The following CCL14 variants were observed in gnomAD, a reference collection of about 807,000 sequenced individuals.
The protein encoded by CCL14 is C-C motif chemokine ligand 14, also known as C-C motif chemokine 14.
A neutral mutation model predicts 8.2 loss-of-function variants in CCL14; 8 were observed. The ratio of observed to expected loss-of-function variants is 0.98; its 90% CI spans 0.57 to 1.76. CCL14 has a LOEUF of 1.76. CCL14 is among the 40% of genes most tolerant of loss of function. The pLI, the probability that CCL14 is intolerant of heterozygous loss-of-function variation, is 0.00. For synonymous variants in CCL14, 50 were observed against 43.2 expected (o/e 1.16, Z -0.62); for missense variants, 127 against 118.3 (o/e 1.07, Z -0.34).
rs760207812 is a variant in CCL14, at chr17:35,984,332, A to G, written c.194+6T>C. 2 of 1,565,346 alleles carry G rather than the reference A, an allele frequency of 1.3e-6. No homozygotes were observed. The highest frequency in any genetic ancestry group is 2.2e-5 in the South Asian group (2 of 90,124). On this transcript the variant is annotated splice_donor_region_variant and intron_variant, in intron 2 of 2. Coordinates refer to ENST00000618404, the MANE Select transcript of CCL14 (RefSeq NM_032963.4). ...CCCCCCAGTGTGATGTGTGTGTACC[A>G]CCTACACAATTCCGGGCTTGGAGCA...
At position 35,986,729 on chromosome 17, in the gene CCL14, T is replaced by C; in HGVS notation, c.-80A>G. 1 of 1,060,324 alleles carries C rather than the reference T, an allele frequency of 9.4e-7. No homozygotes were observed. Among genetic ancestry groups the C allele is most frequent in the South Asian group, 1.3e-5 (1 of 78,306 alleles). 65.7% of individuals were successfully genotyped at this position (1,060,324 alleles called of 1,614,324 possible). ...CCTGCGGTGAGGAATTGTTGAGAAATGATCATTGAGGCCAAATATTTTTTA... is the reference window on the plus strand; with the variant it reads ...CCTGCGGTGAGGAATTGTTGAGAAACGATCATTGAGGCCAAATATTTTTTA... On this transcript the variant is annotated 5_prime_UTR_variant, in exon 1 of 3. Coordinates refer to ENST00000618404, the MANE Select transcript of CCL14 (RefSeq NM_032963.4).
intron 2 of CCL14, among the ~76,000 whole-genome samples, chr17:35,984,115 C>A (rs991188011): frequency 6.6e-6 from 1 of 151,776 alleles, no homozygotes; most frequent in African/African-American, 2.4e-5. Flanking sequence ...CTCTTGCCTT[C>A]TTCTCCCTTC....
chr17:35,985,503 C>A, intron 1 of CCL14: 1 of 554,742 alleles, frequency 1.8e-6, no homozygotes, highest in Non-Finnish European at 3.2e-6. Context: ...TTATGTGACC[C>A]TGCTTCATAG....
At chr17:35,984,683 C>A (rs1000335053) in intron 1 of CCL14, 5 of 584,674 alleles carry the variant, frequency 8.6e-6, no homozygotes, top group South Asian at 4.4e-5. Flanking sequence ...TTTCTTCAAC[C>A]CCTCTTGGAA....
chr17:35,986,329 C>A, intron 1 of CCL14: 1 of 512,372 alleles, frequency 2.0e-6, no homozygotes, highest in Non-Finnish European at 3.5e-6. Flanking sequence ...CCAACTTAAA[C>A]TCTTAAGCAG....
chr17:35,984,249 G>T, intron 2 of CCL14, 89 bp downstream of exon 2: 1 of 964,078 alleles, frequency 1.0e-6, no homozygotes, highest in Non-Finnish European at 1.7e-6. Flanking sequence ...GTACGCTGGG[G>T]GTCCCCATTC....
chr17:35,983,763 G>T lies in CCL14; in HGVS notation c.*38C>A. 1 of 1,438,198 alleles carries T rather than the reference G, an allele frequency of 7.0e-7. No individual in the cohort carries two copies. Among genetic ancestry groups the T allele is most frequent in the Non-Finnish European group, 9.8e-7 (1 of 1,019,432 alleles). 89.1% of individuals were successfully genotyped at this position (1,438,198 alleles called of 1,614,324 possible). A position where few individuals can be genotyped will look rare whatever the true frequency, so the allele number is the denominator to read the frequency against. On this transcript the variant is annotated 3_prime_UTR_variant, in exon 3 of 3. Transcript: ENST00000618404. Reference sequence around the variant, plus strand: ...GGGGGCCTTGGCATCTTCTCTTTATGTCTCTGAGCTGTGCCTTCGCCACCC... The same window carrying T: ...GGGGGCCTTGGCATCTTCTCTTTATTTCTCTGAGCTGTGCCTTCGCCACCC...
intron 1 of CCL14, 60 bp downstream of exon 1, chr17:35,986,511 C>A: frequency 7.2e-7 from 1 of 1,388,238 alleles, no homozygotes; most frequent in Non-Finnish European, 1.0e-6. Context: ...GCCCCAACCT[C>A]ACTCCTGCTT....
chr17:35,984,499 C>T, intron 1 of CCL14, 47 bp from the exon 2 acceptor site: 2 of 1,239,814 alleles, frequency 1.6e-6, no homozygotes, highest in Non-Finnish European at 2.4e-6. Flanking sequence ...TTGTTAAAGG[C>T]CATACCATTG....
intron 1 of CCL14, 86 bp downstream of exon 1, chr17:35,986,485 C>T: frequency 9.8e-7 from 1 of 1,023,532 alleles, no homozygotes; most frequent in Non-Finnish European, 1.5e-6. Context: ...AGTCCCTGCT[C>T]CTGGTCTTCC....
rs775087719 is a variant in CCL14 at position 35,983,847 on chromosome 17, CT to C, written c.235del (p.Ser79ValfsTer12). The C allele has an allele frequency of 6.2e-5, 100 of 1,613,976 alleles. No individual in the cohort carries two copies. The highest frequency in any genetic ancestry group is 8.0e-5 in the Non-Finnish European group (94 of 1,179,970). Reference sequence around the variant, plus strand: ...GATATAGTCCTGGACCCACTTGTCACTGGGGTTGGTACAGACGGAATGGCCC... The same window carrying C: ...GATATAGTCCTGGACCCACTTGTCACGGGGTTGGTACAGACGGAATGGCCC... Reference protein sequence around the residue: ...KRGHSVCTNPSDKWVQDYIKD... With the variant: ...KRGHSVCTNPXDKWVQDYIKD... On this transcript the variant is annotated frameshift_variant, in exon 3 of 3. Coordinates refer to ENST00000618404, the MANE Select transcript of CCL14 (RefSeq NM_032963.4). LOFTEE classifies it low-confidence loss of function (END_TRUNC).
chr17:35,986,176 T>A, intron 1 of CCL14: 1 of 348,156 alleles, frequency 2.9e-6, no homozygotes, highest in Non-Finnish European at 5.2e-6. Context: ...GGACTGGTCC[T>A]GGGGGGCAAT....
rs1203276160 is a variant in CCL14 at position 35,983,584 on chromosome 17, C to T, written c.*217G>A. On this transcript the variant is annotated 3_prime_UTR_variant, in exon 3 of 3. Transcript: ENST00000618404. The stretch of plus-strand genomic sequence containing the variant: ...ACTTCTGCAGAGCGAGGCTTGATGC[C>T]GAGGGTGCCACACCCTGGTGTCCTC... 2 of 482,548 alleles carry T rather than the reference C, an allele frequency of 4.1e-6. No individual in the cohort carries two copies. Among genetic ancestry groups the T allele is most frequent in the East Asian group, 3.1e-5 (1 of 32,424 alleles). 29.9% of individuals were successfully genotyped at this position (482,548 alleles called of 1,614,324 possible).
rs767425052 is a variant in CCL14 at position 35,986,602 on chromosome 17, G to A, written c.48C>T (p.Ile16=). The A allele has an allele frequency of 9.3e-6, 15 of 1,613,892 alleles. No individual in the cohort carries two copies. Among genetic ancestry groups the A allele is most frequent in the South Asian group, 8.8e-5 (8 of 91,084 alleles). The stretch of plus-strand genomic sequence containing the variant: ...AGGATTCAGTCTTGGTCCCTAGGGC[G>A]ATGGTGATGAGGAGGAAGAAGGGAA... ...AAIPFFLLIT[I]ALGTKTESSS... The change falls in exon 1 of 3, where the codon ATC becomes ATT. Residue 16 remains isoleucine, a synonymous_variant. Transcript: ENST00000618404.
chr17:35,986,575 G>A lies in CCL14; in HGVS notation c.75C>T (p.Ser25=). 2.5e-6 allele frequency: 4 copies of A among 1,612,800 alleles called. No individual in the cohort carries two copies. The highest frequency in any genetic ancestry group is 3.4e-6 in the Non-Finnish European group (4 of 1,178,866). The change falls in exon 1 of 3, where the codon TCC becomes TCT. Residue 25 remains serine (S), a synonymous_variant. Transcript: ENST00000618404. ...AAGACAAGGCATTGCACTCACGTGAGGAGGATTCAGTCTTGGTCCCTAGGG... is the reference window on the plus strand; with the variant it reads ...AAGACAAGGCATTGCACTCACGTGAAGAGGATTCAGTCTTGGTCCCTAGGG... ...TIALGTKTES[S]SRGPYHPSEC...
chr17:35,985,587 C>A, intron 1 of CCL14: 1 of 640,392 alleles, frequency 1.6e-6, no homozygotes, highest in Admixed American at 2.7e-5. Flanking sequence ...AGGGTCTCAT[C>A]CTGTTTTCCA....
At chr17:35,985,735 A>T in intron 1 of CCL14, 1 of 1,550,210 alleles carries the variant, frequency 6.5e-7, no homozygotes, top group Non-Finnish European at 8.7e-7. Context: ...GGCAAGTCAA[A>T]CTGTGCACAT....
Position 35,984,138 on chromosome 17 carries a change from C to T in CCL14, c.194+200G>A, listed in dbSNP as rs890548010. On this transcript the variant is annotated intron_variant, in intron 2 of 2. Transcript: ENST00000618404. ...TTCTTCTCCCTTCTCTGTCATCTCC[C>T]CATCCATGGGGTCAGTTTCCCCATG... is the stretch of plus-strand genomic sequence containing the variant. Among the ~76,000 whole-genome samples the T allele has an allele frequency of 2.0e-5, 3 of 152,190 alleles. No homozygotes were observed. The South Asian group carries it at 6.2e-4, about 32-fold the overall frequency.
At chr17:35,985,385 C>A (rs1237306058) in intron 1 of CCL14, 1 of 262,560 alleles carries the variant, frequency 3.8e-6, no homozygotes, top group Non-Finnish European at 7.1e-6. Flanking sequence ...ACAGCAGCCA[C>A]CCCAAGCTTG....
Sources: gnomAD v4.1 joint callset for allele counts (sites outside exome capture counted in the v4.1 genomes callset) on GRCh38, gnomAD v4.1.1 for gene constraint, MANE v1.5 for transcripts, NCBI Gene and HGNC (gene_info 2026-07-23, HGNC 2026-07-21) for gene names.